Variants in HHAT observed in about 807,000 individuals in gnomAD.
HHAT encodes the protein hedgehog acyltransferase.
In HHAT, 47 loss-of-function variants were observed where a neutral mutation model predicts 70.8. The observed-to-expected ratio is 0.66, with a 90% CI of 0.53 to 0.85. HHAT has a LOEUF of 0.85. Among genes scored for constraint, HHAT ranks in the 40% least tolerant of loss-of-function variants. HHAT has a pLI of 0.00. For synonymous variants in HHAT, 228 were observed against 247.6 expected (o/e 0.92, Z 0.74); for missense variants, 609 against 604.8 (o/e 1.01, Z -0.07).
chr1:210,356,094 ATT>A (rs11449276), intron 2 of HHAT, among the ~76,000 whole-genome samples: 54 of 139,932 alleles, frequency 3.9e-4, no homozygotes, highest in East Asian at 8.2e-4. Flanking sequence ...TTGCTTGGCT[ATT>A]TTTTTTTTTT....
chr1:210,448,960 G>T (rs2093690920), intron 7 of HHAT, among the ~76,000 whole-genome samples: 1 of 152,080 alleles, frequency 6.6e-6, no homozygotes, highest in African/African-American at 2.4e-5. Flanking sequence ...TTCTGTTTGG[G>T]GATCATATCA....
chr1:210,469,556 G>A (rs1346451545), intron 8 of HHAT, among the ~76,000 whole-genome samples: 1 of 152,124 alleles, frequency 6.6e-6, no homozygotes, highest in Non-Finnish European at 1.5e-5. Context: ...CTGGATACAC[G>A]GCAGGCATGC....
intron 7 of HHAT, chr1:210,462,319 G>C (rs1427706208): frequency 6.6e-6 from 1 of 152,158 alleles, no homozygotes; most frequent in Non-Finnish European, 1.5e-5. Context: ...TGGAAGCATT[G>C]TGCGCTTTAA....
intron 11 of HHAT, among the ~76,000 whole-genome samples, chr1:210,638,674 C>T (rs1365335133): frequency 7.1e-6 from 1 of 140,214 alleles, no homozygotes. Flanking sequence ...TCCCTTGAGT[C>T]CAGGATTTCG....
chr1:210,389,831 CATG>C (rs1412531548), intron 4 of HHAT, among the ~76,000 whole-genome samples: 2 of 152,220 alleles, frequency 1.3e-5, no homozygotes, highest in African/African-American at 4.8e-5. Context: ...GCAGAGCTCT[CATG>C]ATCCAATTGC....
chr1:210,474,074 T>TAAAAA, intron 8 of HHAT, among the ~76,000 whole-genome samples: 1 of 152,206 alleles, frequency 6.6e-6, no homozygotes, highest in Non-Finnish European at 1.5e-5. Context: ...ACACTCCATC[T>TAAAAA]AAAATTTATT....
intron 9 of HHAT, among the ~76,000 whole-genome samples, chr1:210,520,110 G>T (rs577206870): frequency 6.6e-6 from 1 of 152,142 alleles, no homozygotes; most frequent in African/African-American, 2.4e-5. Context: ...CTGCCTCCTG[G>T]ATTCAAGTGA....
chr1:210,466,370 G>C (rs1382620117), intron 8 of HHAT, among the ~76,000 whole-genome samples: 1 of 152,244 alleles, frequency 6.6e-6, no homozygotes, highest in African/African-American at 2.4e-5. Flanking sequence ...GCAAAGAGGT[G>C]CTCTCTAACT....
At chr1:210,589,941 TATG>T (rs1367589016) in intron 10 of HHAT, 2 of 152,230 alleles carry the variant, frequency 1.3e-5, no homozygotes, top group African/African-American at 2.4e-5. Context: ...ATGTTGCAAG[TATG>T]ATGTTTGGCT....
intron 10 of HHAT, among the ~76,000 whole-genome samples, chr1:210,611,197 T>C (rs1186897853): frequency 6.6e-6 from 1 of 152,186 alleles, no homozygotes; most frequent in Non-Finnish European, 1.5e-5. Context: ...AGCAGTAGTT[T>C]GTAGTTCTCC....
At chr1:210,355,743 C>G (rs919035213) in intron 2 of HHAT, among the ~76,000 whole-genome samples, 5 of 152,060 alleles carry the variant, frequency 3.3e-5, no homozygotes, top group African/African-American at 7.2e-5. Flanking sequence ...TATTATGGAA[C>G]TGTTAAAGTA....
chr1:210,625,839 C>T (rs11590767), intron 11 of HHAT, among the ~76,000 whole-genome samples: 20,558 of 152,188 alleles, frequency 0.14, 1,483 homozygotes, highest in East Asian at 0.17. Flanking sequence ...GGGAAGAGAA[C>T]ATGAGACTGG....
chr1:210,635,303 A>C (rs1053743057), intron 11 of HHAT, among the ~76,000 whole-genome samples: 5 of 152,212 alleles, frequency 3.3e-5, no homozygotes, highest in African/African-American at 1.2e-4. Flanking sequence ...TTGATGAGTA[A>C]GCTGTTTGCA....
chr1:210,339,437 T>TCC (rs2085805161), intron 1 of HHAT, among the ~76,000 whole-genome samples: 1 of 152,074 alleles, frequency 6.6e-6, no homozygotes, highest in Admixed American at 6.5e-5. Flanking sequence ...TTTCTCCTCC[T>TCC]TGAATCCGGG....
intron 10 of HHAT, among the ~76,000 whole-genome samples, chr1:210,601,558 T>C (rs1664271166): frequency 1.3e-5 from 2 of 152,158 alleles, no homozygotes; most frequent in Admixed American, 6.5e-5. Flanking sequence ...AACGTGGCTA[T>C]TCATTTCTTA....
At chr1:210,502,544 G>A (rs761879017) in intron 8 of HHAT, among the ~76,000 whole-genome samples, 2 of 152,054 alleles carry the variant, frequency 1.3e-5, no homozygotes, top group East Asian at 3.9e-4. Flanking sequence ...CTTATTGGCC[G>A]CATAATTGTG....
At chr1:210,556,340 A>G (rs192359543) in intron 9 of HHAT, among the ~76,000 whole-genome samples, 61 of 152,282 alleles carry the variant, frequency 4.0e-4, no homozygotes, top group Admixed American at 3.0e-3. Flanking sequence ...CAGTTCTCCC[A>G]GGGCAAGGGC....
intron 8 of HHAT, among the ~76,000 whole-genome samples, chr1:210,505,432 T>G (rs1053932032): frequency 2.6e-5 from 4 of 152,178 alleles, no homozygotes; most frequent in African/African-American, 9.7e-5. Flanking sequence ...CAGCCTCAGC[T>G]CTGCTGTTTG....
At chr1:210,621,429 AT>A (rs1240555194) in intron 10 of HHAT, among the ~76,000 whole-genome samples, 1 of 152,156 alleles carries the variant, frequency 6.6e-6, no homozygotes, top group Non-Finnish European at 1.5e-5. Flanking sequence ...GGACGTATTT[AT>A]GTCAATTAAG....
Sources: allele counts gnomAD v4.1 joint callset (sites outside exome capture counted in the v4.1 genomes callset), GRCh38; gene constraint gnomAD v4.1.1; transcripts MANE v1.5; gene names NCBI Gene and HGNC (gene_info 2026-07-23, HGNC 2026-07-21).